The following LRRC4C variants were observed in gnomAD, a reference collection of about 807,000 sequenced individuals.
LRRC4C encodes the protein leucine rich repeat containing 4C.
Under a neutral mutation model 33.6 loss-of-function variants are expected in LRRC4C, and 5 were observed. The ratio of observed to expected loss-of-function variants is 0.15; its 90% CI spans 0.08 to 0.31. LRRC4C has a LOEUF of 0.31. LRRC4C is among the 10% of genes least tolerant of loss of function. The pLI is 1.00. For synonymous variants in LRRC4C, 329 were observed against 302.0 expected, an observed-to-expected ratio of 1.09 and a Z score of -0.93; for missense variants, 560 against 796.7, an observed-to-expected ratio of 0.70 and a Z score of 3.58.
At chr11:40,149,559 T>C (rs1858016807) in intron 5 of LRRC4C, among the ~76,000 whole-genome samples, 1 of 152,174 alleles carries the variant, frequency 6.6e-6, no homozygotes, top group Admixed American at 6.6e-5. Context: ...TTGCTGAAGT[T>C]ATTTATTAAC....
intron 1 of LRRC4C, among the ~76,000 whole-genome samples, chr11:41,441,139 C>T (rs947730153): frequency 6.6e-6 from 1 of 152,074 alleles, no homozygotes; most frequent in African/African-American, 2.4e-5. Context: ...GAAATTTAGA[C>T]CTATATCAGC....
At chr11:40,995,161 C>T (rs907701510) in intron 1 of LRRC4C, among the ~76,000 whole-genome samples, 7 of 152,028 alleles carry the variant, frequency 4.6e-5, no homozygotes, top group African/African-American at 7.2e-5. Context: ...AGCAGGTACA[C>T]TAGGAATCAG....
chr11:40,902,091 C>T (rs1421404937), intron 2 of LRRC4C, among the ~76,000 whole-genome samples: 1 of 149,574 alleles, frequency 6.7e-6, no homozygotes, highest in East Asian at 2.0e-4. Context: ...ATAGATATTG[C>T]ATATTGCAAT....
intron 4 of LRRC4C, among the ~76,000 whole-genome samples, chr11:40,250,231 A>T (rs1249572794): frequency 6.6e-6 from 1 of 152,196 alleles, no homozygotes; most frequent in African/African-American, 2.4e-5. Flanking sequence ...AACTTTTGCA[A>T]AAGAAAAAGA....
At chr11:41,274,035 GGA>G (rs1161213401) in intron 1 of LRRC4C, among the ~76,000 whole-genome samples, 1 of 152,110 alleles carries the variant, frequency 6.6e-6, no homozygotes, top group African/African-American at 2.4e-5. Flanking sequence ...GTTCCAGGGA[GGA>G]GATAGAGACA....
intron 3 of LRRC4C, among the ~76,000 whole-genome samples, chr11:40,565,003 T>G (rs745939113): frequency 4.6e-5 from 7 of 152,114 alleles, no homozygotes; most frequent in Non-Finnish European, 8.8e-5. Flanking sequence ...CGCTCTGGGA[T>G]AAGGGATTGG....
chr11:40,748,429 G>A (rs76676597), intron 2 of LRRC4C, among the ~76,000 whole-genome samples: 54 of 152,056 alleles, frequency 3.6e-4, no homozygotes, highest in African/African-American at 1.2e-3. Context: ...ACCTTAAGTC[G>A]AAAGGACATT....
At chr11:41,261,974 T>C (rs1948995417) in intron 1 of LRRC4C, among the ~76,000 whole-genome samples, 2 of 152,050 alleles carry the variant, frequency 1.3e-5, no homozygotes, top group African/African-American at 4.8e-5. Context: ...AAATCTTCAT[T>C]CTCTGTGGGG....
intron 1 of LRRC4C, among the ~76,000 whole-genome samples, chr11:41,041,293 T>C (rs1857417989): frequency 1.3e-5 from 2 of 152,158 alleles, no homozygotes; most frequent in Admixed American, 1.3e-4. Flanking sequence ...TTTTTAATGG[T>C]TGTAAAGATA....
chr11:40,469,135 A>T (rs1320325844), intron 3 of LRRC4C, among the ~76,000 whole-genome samples: 1 of 152,192 alleles, frequency 6.6e-6, no homozygotes, highest in Non-Finnish European at 1.5e-5. Context: ...TTCCAGTGAG[A>T]TCAACGCAGA....
At chr11:40,770,911 C>A (rs936936946) in intron 2 of LRRC4C, among the ~76,000 whole-genome samples, 3 of 152,154 alleles carry the variant, frequency 2.0e-5, no homozygotes, top group Non-Finnish European at 2.9e-5. Context: ...CCCCCCCTCC[C>A]AGCTGTTTTC....
At chr11:40,622,867 C>A (rs2135961901) in intron 3 of LRRC4C, among the ~76,000 whole-genome samples, 1 of 151,834 alleles carries the variant, frequency 6.6e-6, no homozygotes, top group East Asian at 1.9e-4. Flanking sequence ...CTATTTTTAG[C>A]AATTATTTTA....
chr11:40,618,340 G>T (rs966657124), intron 3 of LRRC4C, among the ~76,000 whole-genome samples: 8 of 151,552 alleles, frequency 5.3e-5, no homozygotes, highest in African/African-American at 1.9e-4. Flanking sequence ...GACCAAGATT[G>T]CTGGCAACCA....
At chr11:40,942,798 C>T (rs1472993372) in intron 1 of LRRC4C, among the ~76,000 whole-genome samples, 2 of 152,104 alleles carry the variant, frequency 1.3e-5, no homozygotes, top group Non-Finnish European at 2.9e-5. Context: ...AATGGAGATA[C>T]TAGTAATAAA....
At chr11:41,210,682 G>A (rs1005211155) in intron 1 of LRRC4C, among the ~76,000 whole-genome samples, 1 of 152,182 alleles carries the variant, frequency 6.6e-6, no homozygotes, top group Non-Finnish European at 1.5e-5. Flanking sequence ...CTATTTCTCT[G>A]CCCTTCAATA....
chr11:40,553,203 C>T (rs776916074), intron 3 of LRRC4C, among the ~76,000 whole-genome samples: 4 of 151,966 alleles, frequency 2.6e-5, no homozygotes, highest in Non-Finnish European at 5.9e-5. Context: ...ACCCAGGAGA[C>T]GGAGGTGGCA....
At chr11:41,193,260 T>A (rs1432065990) in intron 1 of LRRC4C, among the ~76,000 whole-genome samples, 1 of 152,124 alleles carries the variant, frequency 6.6e-6, no homozygotes. Flanking sequence ...TCTTAAAGTT[T>A]TTCTTGATAA....
At chr11:40,476,339 C>CTTCTTTCT (rs1555074954) in intron 3 of LRRC4C, among the ~76,000 whole-genome samples, 1 of 121,580 alleles carries the variant, frequency 8.2e-6, no homozygotes, top group East Asian at 2.5e-4. Flanking sequence ...CATTTTTTTT[C>CTTCTTTCT]TTCTTTTTTT....
chr11:41,232,741 TATC>T (rs1455002289), intron 1 of LRRC4C, among the ~76,000 whole-genome samples: 1 of 136,292 alleles, frequency 7.3e-6, no homozygotes, highest in Non-Finnish European at 1.6e-5. Flanking sequence ...ATACATGTGT[TATC>T]AAGACACACA....
Sources: gnomAD v4.1 joint callset for allele counts (sites outside exome capture counted in the v4.1 genomes callset) on GRCh38, gnomAD v4.1.1 for gene constraint, MANE v1.5 for transcripts, NCBI Gene and HGNC (gene_info 2026-07-23, HGNC 2026-07-21) for gene names.